PDE4D: variants seen among roughly 807,000 people sequenced by gnomAD.
PDE4D encodes phosphodiesterase 4D.
In PDE4D, 24 loss-of-function variants were observed where a neutral mutation model predicts 87.4. The observed-to-expected ratio is 0.27, with a 90% CI of 0.20 to 0.39. The LOEUF (loss-of-function observed/expected upper bound fraction) is 0.39, where lower values mean the gene tolerates loss of function less well. Ranked by LOEUF, PDE4D falls within the 10% of genes least tolerant of loss-of-function variation. PDE4D has a pLI of 1.00. For missense variants in PDE4D, 714 were observed against 1,041.0 expected, an observed-to-expected ratio of 0.69 and a Z score of 4.32; for synonymous variants, 384 against 383.2, an observed-to-expected ratio of 1.00 and a Z score of -0.02.
chr5:60,178,445 AC>A, intron 2 of PDE4D, among the ~76,000 whole-genome samples: 1 of 152,260 alleles, frequency 6.6e-6, no homozygotes, highest in South Asian at 2.1e-4. Flanking sequence ...AGAAAAAAAA[AC>A]AATTGGAAAC....
At chr5:59,789,241 G>T (rs531646766) in intron 1 of PDE4D, among the ~76,000 whole-genome samples, 5 of 152,270 alleles carry the variant, frequency 3.3e-5, no homozygotes, top group South Asian at 2.1e-4. Context: ...AAAACTTTTT[G>T]TTCAGAATTA....
chr5:60,280,379 G>A (rs1041880820), intron 1 of PDE4D, among the ~76,000 whole-genome samples: 2 of 151,062 alleles, frequency 1.3e-5, no homozygotes, highest in African/African-American at 4.9e-5. Context: ...GTTGTATTTA[G>A]CAGGAGGAAT....
intron 5 of PDE4D, among the ~76,000 whole-genome samples, chr5:59,131,378 A>T (rs13186015): frequency 6.6e-6 from 1 of 151,992 alleles, no homozygotes; most frequent in Non-Finnish European, 1.5e-5. Flanking sequence ...CACAAGTACT[A>T]GTGAATTAAA....
intron 1 of PDE4D, among the ~76,000 whole-genome samples, chr5:59,596,034 T>C (rs1826633144): frequency 6.6e-6 from 1 of 151,394 alleles, no homozygotes; most frequent in South Asian, 2.1e-4. Flanking sequence ...ATTTTTGCAG[T>C]GTTTTCAGTC....
chr5:59,689,759 T>C (rs1269133737), intron 1 of PDE4D, among the ~76,000 whole-genome samples: 2 of 152,058 alleles, frequency 1.3e-5, no homozygotes, highest in Admixed American at 1.3e-4. Context: ...GGTATTCAAT[T>C]AGGAAAAGAG....
intron 1 of PDE4D, among the ~76,000 whole-genome samples, chr5:59,830,233 C>A (rs1422427662): frequency 6.6e-6 from 1 of 152,044 alleles, no homozygotes; most frequent in Non-Finnish European, 1.5e-5. Context: ...GACAGGCTCC[C>A]TTGCTAGTGT....
At chr5:59,414,403 T>C (rs1793234769) in intron 1 of PDE4D, among the ~76,000 whole-genome samples, 1 of 152,184 alleles carries the variant, frequency 6.6e-6, no homozygotes, top group South Asian at 2.1e-4. Context: ...AGGGAGGGAC[T>C]GGACCTTGAA....
At chr5:59,889,571 T>C (rs1750661035) in intron 1 of PDE4D, among the ~76,000 whole-genome samples, 1 of 152,204 alleles carries the variant, frequency 6.6e-6, no homozygotes, top group Non-Finnish European at 1.5e-5. Flanking sequence ...TGTATCACTA[T>C]AATCCAGAAT....
chr5:60,019,359 C>T (rs1765816219), intron 2 of PDE4D, among the ~76,000 whole-genome samples: 1 of 152,164 alleles, frequency 6.6e-6, no homozygotes, highest in Non-Finnish European at 1.5e-5. Flanking sequence ...TCGCCAGCTG[C>T]ATTAGCCCTA....
At chr5:59,135,114 C>T (rs1776844860) in intron 5 of PDE4D, among the ~76,000 whole-genome samples, 1 of 152,164 alleles carries the variant, frequency 6.6e-6, no homozygotes, top group Non-Finnish European at 1.5e-5. Context: ...GAAGGGGTTG[C>T]ACCTCACCAA....
At chr5:59,710,939 C>T (rs1476763090) in intron 1 of PDE4D, among the ~76,000 whole-genome samples, 1 of 152,238 alleles carries the variant, frequency 6.6e-6, no homozygotes. Flanking sequence ...ACTCCATGTA[C>T]ATTTTACAGG....
intron 1 of PDE4D, among the ~76,000 whole-genome samples, chr5:59,856,365 T>C (rs1039533572): frequency 3.3e-5 from 5 of 152,046 alleles, no homozygotes; most frequent in African/African-American, 1.2e-4. Flanking sequence ...AAGTCAGAAT[T>C]AAATATCTCA....
intron 3 of PDE4D, among the ~76,000 whole-genome samples, chr5:59,963,628 T>C (rs886540811): frequency 3.9e-5 from 6 of 152,184 alleles, no homozygotes; most frequent in African/African-American, 1.4e-4. Context: ...ATTGTGAAAA[T>C]ACGTGCCTAA....
chr5:60,004,490 ATTGTT>A (rs1260755112), intron 2 of PDE4D, among the ~76,000 whole-genome samples: 1 of 152,106 alleles, frequency 6.6e-6, no homozygotes. Flanking sequence ...AATTATTTTT[ATTGTT>A]TTATTATGTT....
intron 2 of PDE4D, among the ~76,000 whole-genome samples, chr5:60,072,343 C>A (rs899404240): frequency 6.6e-6 from 1 of 151,880 alleles, no homozygotes; most frequent in Non-Finnish European, 1.5e-5. Flanking sequence ...CGTCCTTTGC[C>A]CACTTTTTAA....
At chr5:59,858,581 ATG>A (rs1289305226) in intron 1 of PDE4D, among the ~76,000 whole-genome samples, 1 of 152,102 alleles carries the variant, frequency 6.6e-6, no homozygotes, top group Non-Finnish European at 1.5e-5. Flanking sequence ...CAGAAGAAAG[ATG>A]AGAGAGAATG....
intron 1 of PDE4D, among the ~76,000 whole-genome samples, chr5:59,853,684 G>T (rs887084099): frequency 6.6e-6 from 1 of 151,920 alleles, no homozygotes; most frequent in Admixed American, 6.6e-5. Flanking sequence ...AAGAGGCAGG[G>T]CAGAAACAGG....
intron 1 of PDE4D, among the ~76,000 whole-genome samples, chr5:59,813,479 CACATAT>C (rs774867608): frequency 1.1e-4 from 14 of 132,072 alleles, no homozygotes; most frequent in African/African-American, 1.5e-4. Flanking sequence ...CACACACACA[CACATAT>C]GCCTGTCATT....
chr5:60,493,572 T>G (rs948924330), intron 1 of PDE4D, among the ~76,000 whole-genome samples: 1 of 147,776 alleles, frequency 6.8e-6, no homozygotes, highest in African/African-American at 2.5e-5. Flanking sequence ...GAGTATGGAC[T>G]TCTATACACA....
Sources: allele counts gnomAD v4.1 joint callset (sites outside exome capture counted in the v4.1 genomes callset), GRCh38; gene constraint gnomAD v4.1.1; transcripts MANE v1.5; gene names NCBI Gene and HGNC (gene_info 2026-07-23, HGNC 2026-07-21).